MEI1: variants seen among roughly 807,000 people sequenced by gnomAD.
MEI1 encodes the protein meiotic double-stranded break formation protein 1.
Under a neutral mutation model 146.2 loss-of-function variants are expected in MEI1, and 103 were observed. The ratio of observed to expected loss-of-function variants is 0.70; its 90% CI spans 0.60 to 0.83. The LOEUF (loss-of-function observed/expected upper bound fraction) is 0.83. Ranked by LOEUF, MEI1 falls within the 40% of genes least tolerant of loss-of-function variation. The pLI is 0.00. For missense variants in MEI1, 1,529 were observed against 1,533.0 expected, an observed-to-expected ratio of 1.00 and a Z score of 0.04; for synonymous variants, 652 against 628.2, an observed-to-expected ratio of 1.04 and a Z score of -0.57.
chr22:41,781,260 A>T, intron 22 of MEI1, 24 bp from the exon 23 acceptor site: 1 of 1,575,080 alleles, frequency 6.3e-7, no homozygotes, highest in South Asian at 1.1e-5. Flanking sequence ...CGACAGGCCG[A>T]CTGGGGACTT....
intron 26 of MEI1, among the ~76,000 whole-genome samples, chr22:41,790,649 A>G (rs577431360): frequency 6.6e-6 from 1 of 151,514 alleles, no homozygotes; most frequent in South Asian, 2.1e-4. Context: ...CTGGAGTGCA[A>G]TGGCGCGATC....
In MEI1 at chr22:41,793,722, A is replaced by C; in HGVS notation, c.3346-107A>C. 3.1e-6 allele frequency: 3 copies of C among 973,392 alleles called. No individual in the cohort carries two copies. The South Asian group carries it at 5.1e-5, about 16-fold the overall frequency. The allele number at this position is 973,392 out of a possible 1,614,324, so 60.3% of individuals were successfully genotyped here. A position where few individuals can be genotyped will look rare whatever the true frequency, so the allele number is the denominator to read the frequency against. ...CTACAGGGCTATAATCCCAAATCTG[A>C]AATTCTGAAATCCAAGTAACTCTGA... On this transcript the variant is annotated intron_variant, in intron 26 of 30. Coordinates refer to ENST00000401548, the MANE Select transcript of MEI1 (RefSeq NM_152513.4).
chr22:41,748,682 AT>A (rs2073513345), intron 15 of MEI1, among the ~76,000 whole-genome samples: 2 of 152,200 alleles, frequency 1.3e-5, no homozygotes, highest in South Asian at 4.1e-4. Flanking sequence ...ATTGTCTATT[AT>A]GATTGTACTC....
Position 41,746,126 on chromosome 22 carries a change from ACT to A in MEI1, c.1680+105_1680+106del, listed in dbSNP as rs1010506894. 5.1e-6 allele frequency: 6 copies of A among 1,180,206 alleles called. No individual in the cohort carries two copies. The African/African-American group carries it at 9.2e-5, about 18-fold the overall frequency. 73.1% of individuals were successfully genotyped at this position (1,180,206 alleles called of 1,614,324 possible). ...CATAAGGCAGTGACTGCTCAAAGGA[ACT>A]CTCTGGGGGCCTCAGCAGTGCAATT... is the stretch of plus-strand genomic sequence containing the variant. On this transcript the variant is annotated intron_variant, in intron 14 of 30. Coordinates refer to ENST00000401548, the MANE Select transcript of MEI1 (RefSeq NM_152513.4).
Position 41,729,753 on chromosome 22 carries a change from C to T in MEI1, c.953C>T (p.Ser318Leu). 1 of 1,609,690 alleles carries T rather than the reference C, an allele frequency of 6.2e-7. No individual in the cohort carries two copies. The highest frequency in any genetic ancestry group is 1.1e-5 in the South Asian group (1 of 89,866). Residue 318 changes from serine (S) to leucine (L), a missense_variant, in exon 8 of 31, where the codon TCA (serine) becomes TTA (leucine). Physicochemically the swap from Ser to Leu is moderately radical, Grantham distance 145. Transcript: ENST00000401548. The stretch of plus-strand genomic sequence containing the variant: ...GTCCACTCCCCAGCAAAGCATGCGT[C>T]AGCCTTCATCCACGCTGACATCCCA... ...VLVHSPAKHA[S>L]AFIHADIPEF...
At chr22:41,773,088 A>G (rs1480300830) in intron 20 of MEI1, among the ~76,000 whole-genome samples, 1 of 152,244 alleles carries the variant, frequency 6.6e-6, no homozygotes, top group Admixed American at 6.5e-5. Flanking sequence ...CTTAGAGTCT[A>G]CATCCCAGGG....
At chr22:41,716,295 G>T in intron 5 of MEI1, 149 bp downstream of exon 5, 1 of 526,920 alleles carries the variant, frequency 1.9e-6, no homozygotes, top group Non-Finnish European at 3.4e-6. Context: ...TGTACTGTAT[G>T]TCGGTCAATT....
chr22:41,744,938 G>T lies in MEI1; in HGVS notation c.1447-35G>T, dbSNP rs1392336887. 6 of 1,374,694 alleles carry T rather than the reference G, an allele frequency of 4.4e-6. No homozygotes were observed. The South Asian group carries it at 5.7e-5, about 13-fold the overall frequency. The allele number at this position is 1,374,694 out of a possible 1,614,324, so 85.2% of individuals were successfully genotyped here. ...ATAGACTGAGACACAGCATATACTTGATCACTAGGTTCCTGTCTCTCCTTC... is the reference window on the plus strand; with the variant it reads ...ATAGACTGAGACACAGCATATACTTTATCACTAGGTTCCTGTCTCTCCTTC... On this transcript the variant is annotated intron_variant, in intron 12 of 30. Transcript: ENST00000401548.
intron 22 of MEI1, among the ~76,000 whole-genome samples, chr22:41,780,560 T>A (rs529988380): frequency 6.6e-6 from 1 of 151,256 alleles, no homozygotes; most frequent in Non-Finnish European, 1.5e-5. Flanking sequence ...AGATGAACTT[T>A]GAGCTGAATT....
chr22:41,702,820 G>A (rs1394886107), intron 1 of MEI1, among the ~76,000 whole-genome samples: 1 of 151,726 alleles, frequency 6.6e-6, no homozygotes, highest in East Asian at 1.9e-4. Flanking sequence ...ATGCAGTGGC[G>A]CTATCTCGGC....
rs779403576 is a variant in MEI1, at chr22:41,799,239, A to G, written c.3780-15A>G. The G allele has an allele frequency of 1.4e-5, 22 of 1,612,550 alleles. No individual in the cohort carries two copies. Among genetic ancestry groups the G allele is most frequent in the South Asian group, 1.1e-4 (10 of 91,046 alleles). The stretch of plus-strand genomic sequence containing the variant: ...CCCACTTCTCTGCTGTTTTCCTCTC[A>G]TGTTTTGCTGCCAGCTGCCTGGGAG... On this transcript the variant is annotated splice_polypyrimidine_tract_variant and intron_variant, in intron 30 of 30. Transcript: ENST00000401548.
At chr22:41,750,449 TTCTG>T (rs2073673178) in intron 15 of MEI1, among the ~76,000 whole-genome samples, 1 of 152,178 alleles carries the variant, frequency 6.6e-6, no homozygotes, top group East Asian at 1.9e-4. Context: ...CCGGAGCAGC[TTCTG>T]TGGGAGTGGT....
At chr22:41,793,756 T>C (rs895882909) in intron 26 of MEI1, 73 bp from the exon 27 acceptor site, 5 of 1,313,404 alleles carry the variant, frequency 3.8e-6, no homozygotes, top group Middle Eastern at 2.5e-4. Flanking sequence ...GAAAACCAAA[T>C]GTTTTTTCTT....
chr22:41,729,707 C>CACTGTATAACTGCGGTGCTT lies in MEI1; in HGVS notation c.908_927dup (p.Val310ThrfsTer3). ...TGAAACCCTGCAGGTGGCCAGTGCTCACTGTATAACTGCGGTGCTTGTCCA... is the reference window on the plus strand; with the variant it reads ...TGAAACCCTGCAGGTGGCCAGTGCTCACTGTATAACTGCGGTGCTTACTGTATAACTGCGGTGCTTGTCCA... On this transcript the variant is annotated frameshift_variant, in exon 8 of 31. Transcript: ENST00000401548. LOFTEE classifies it high-confidence loss of function. 6.2e-7 allele frequency: 1 copy of CACTGTATAACTGCGGTGCTT among 1,612,372 alleles called. No homozygotes were observed. The highest frequency in any genetic ancestry group is 8.5e-7 in the Non-Finnish European group (1 of 1,179,362).
At chr22:41,763,098 T>A in intron 18 of MEI1, 76 bp from the exon 19 acceptor site, 3 of 1,534,264 alleles carry the variant, frequency 2.0e-6, no homozygotes, top group Non-Finnish European at 2.7e-6. Flanking sequence ...TGAGGAAGGA[T>A]GCGGCCAGGC....
chr22:41,726,052 G>T lies in MEI1; in HGVS notation c.864+1979G>T, dbSNP rs1438447828. On this transcript the variant is annotated intron_variant, in intron 7 of 30. Coordinates refer to ENST00000401548, the MANE Select transcript of MEI1 (RefSeq NM_152513.4). ...CCCAGCACTTTGGGAGACCGGGACGGGTGGATCACGAGGTCAGGAGTTCGA... is the reference window on the plus strand; with the variant it reads ...CCCAGCACTTTGGGAGACCGGGACGTGTGGATCACGAGGTCAGGAGTTCGA... Among the ~76,000 whole-genome samples the T allele has an allele frequency of 2.6e-5, 4 of 152,156 alleles. No homozygotes were observed. The East Asian group carries it at 7.7e-4, about 29-fold the overall frequency.
chr22:41,713,031 C>T (rs1186895660), intron 3 of MEI1, among the ~76,000 whole-genome samples: 2 of 151,284 alleles, frequency 1.3e-5, no homozygotes, highest in Non-Finnish European at 3.0e-5. Context: ...GGATGGTCTC[C>T]ATCTCCTGAC....
rs560950228 is a variant in MEI1, at chr22:41,785,755, G to A, written c.3345+972G>A. On this transcript the variant is annotated intron_variant, in intron 26 of 30. Transcript: ENST00000401548. ...ATTTTTGTATTTTTAGTAGAGACGG[G>A]GTTTCCGCATATTGGTCAGGCTGGT... is the stretch of plus-strand genomic sequence containing the variant. Among the ~76,000 whole-genome samples, 78 of 150,300 alleles carry A rather than the reference G, an allele frequency of 5.2e-4. 1 individual carries two copies. Among genetic ancestry groups the A allele is most frequent in the Middle Eastern group, 7.5e-3 (2 of 268 alleles).
At chr22:41,749,898 G>A (rs906771218) in intron 15 of MEI1, among the ~76,000 whole-genome samples, 1 of 151,950 alleles carries the variant, frequency 6.6e-6, no homozygotes, top group Non-Finnish European at 1.5e-5. Flanking sequence ...ATCTGGTTTG[G>A]GGGGGTCAGT....
Sources: allele counts gnomAD v4.1 joint callset (sites outside exome capture counted in the v4.1 genomes callset), GRCh38; gene constraint gnomAD v4.1.1; transcripts MANE v1.5; gene names NCBI Gene and HGNC (gene_info 2026-07-23, HGNC 2026-07-21).